UBAC2: variants seen among roughly 807,000 people sequenced by gnomAD.
UBAC2 encodes the protein UBA domain containing 2, also known as ubiquitin-associated domain-containing protein 2.
UBAC2 carries 26 observed loss-of-function variants against 44.0 expected under a neutral mutation model. The observed-to-expected ratio is 0.59, with a 90% CI of 0.43 to 0.82. The LOEUF is 0.82. UBAC2 is among the 40% of genes least tolerant of loss of function. UBAC2 has a pLI of 0.00. For synonymous variants in UBAC2, 155 were observed against 154.3 expected (o/e 1.00, Z -0.04); for missense variants, 329 against 419.4 (o/e 0.78, Z 1.88).
chr13:99,267,775 T>G (rs2043762815), intron 4 of UBAC2, among the ~76,000 whole-genome samples: 1 of 152,220 alleles, frequency 6.6e-6, no homozygotes, highest in Non-Finnish European at 1.5e-5. Context: ...CAAAATATAG[T>G]GTGTTTGCTC....
chr13:99,268,469 G>C (rs1308160949), intron 4 of UBAC2, among the ~76,000 whole-genome samples: 3 of 151,858 alleles, frequency 2.0e-5, no homozygotes. Flanking sequence ...TTAGCCAGGC[G>C]TGGTGGCATG....
intron 2 of UBAC2, among the ~76,000 whole-genome samples, chr13:99,243,612 C>T (rs2043346798): frequency 6.6e-6 from 1 of 152,020 alleles, no homozygotes; most frequent in African/African-American, 2.4e-5. Context: ...CTTATAAGCA[C>T]AAAAAAATTC....
intron 1 of UBAC2, 107 bp from the exon 2 acceptor site, chr13:99,238,320 T>C: frequency 2.1e-6 from 3 of 1,414,228 alleles, no homozygotes; most frequent in Non-Finnish European, 2.9e-6. Context: ...TTCTGGACTT[T>C]GTCTTCATTC....
At chr13:99,378,504 G>T (rs534292058) in intron 8 of UBAC2, among the ~76,000 whole-genome samples, 112 of 152,294 alleles carry the variant, frequency 7.4e-4, no homozygotes, top group African/African-American at 2.6e-3. Flanking sequence ...TCCAACCTGG[G>T]TGACTGAGCA....
chr13:99,209,224 A>C (rs2042911250), intron 1 of UBAC2, among the ~76,000 whole-genome samples: 1 of 152,130 alleles, frequency 6.6e-6, no homozygotes, highest in South Asian at 2.1e-4. Context: ...GCTTGGTATG[A>C]AGGTGTGGCT....
intron 8 of UBAC2, among the ~76,000 whole-genome samples, chr13:99,373,005 A>G (rs1018495544): frequency 4.6e-5 from 7 of 152,020 alleles, no homozygotes; most frequent in African/African-American, 1.7e-4. Context: ...CTGTAGTCCC[A>G]CCTACTTGGG....
intron 1 of UBAC2, among the ~76,000 whole-genome samples, chr13:99,203,821 G>A (rs897476456): frequency 6.6e-6 from 1 of 152,196 alleles, no homozygotes; most frequent in Non-Finnish European, 1.5e-5. Flanking sequence ...GTGTGAAGGA[G>A]CAAGCCATAT....
At chr13:99,215,863 T>C in intron 1 of UBAC2, 2 of 491,242 alleles carry the variant, frequency 4.1e-6, no homozygotes, top group Non-Finnish European at 7.3e-6. Context: ...AAACTGCCCT[T>C]TTCAGTTCTT....
chr13:99,296,769 C>T (rs192106013), intron 4 of UBAC2, among the ~76,000 whole-genome samples: 1 of 151,772 alleles, frequency 6.6e-6, no homozygotes, highest in African/African-American at 2.4e-5. Context: ...AAGAAGAAGA[C>T]GACGACCGCA....
At chr13:99,272,639 C>T (rs1032360263) in intron 4 of UBAC2, among the ~76,000 whole-genome samples, 1 of 152,204 alleles carries the variant, frequency 6.6e-6, no homozygotes, top group Non-Finnish European at 1.5e-5. Flanking sequence ...CACCCTCTTG[C>T]TGTGTCCTTA....
rs756827927 is a variant in UBAC2, at chr13:99,268,611, C to CAAAA, written c.389+24007_389+24010dup. ...TGGGCTACAGAGTGAGACTCTGTCT[C>CAAAA]AAAAAAAAAAAAAAAAAAAAAAAGA... is the stretch of plus-strand genomic sequence containing the variant. On this transcript the variant is annotated intron_variant, in intron 4 of 8. Coordinates refer to ENST00000403766, the MANE Select transcript of UBAC2 (RefSeq NM_001144072.2). Among the ~76,000 whole-genome samples, 310 of 75,590 alleles carry CAAAA rather than the reference C, an allele frequency of 4.1e-3. 9 individuals are homozygous for CAAAA. The highest frequency in any genetic ancestry group is 0.015 in the African/African-American group (242 of 15,840). 49.6% of individuals were successfully genotyped at this position (75,590 alleles called of 152,430 possible).
intron 1 of UBAC2, among the ~76,000 whole-genome samples, chr13:99,203,792 T>C (rs2042835198): frequency 6.6e-6 from 1 of 152,152 alleles, no homozygotes; most frequent in South Asian, 2.1e-4. Context: ...GAAGGTGACA[T>C]TGAGCTGAGG....
intron 6 of UBAC2, among the ~76,000 whole-genome samples, chr13:99,330,458 C>CAGAAAAAA (rs2044699846): frequency 2.2e-5 from 1 of 46,026 alleles, no homozygotes; most frequent in African/African-American, 7.4e-5. Flanking sequence ...GACGTCATCT[C>CAGAAAAAA]AAAAAAAAAA....
At chr13:99,378,680 A>G (rs1274082855) in intron 8 of UBAC2, among the ~76,000 whole-genome samples, 1 of 152,246 alleles carries the variant, frequency 6.6e-6, no homozygotes, top group Non-Finnish European at 1.5e-5. Context: ...GTTCGTCATC[A>G]TCACTGAACA....
At chr13:99,228,903 A>G (rs1226786308) in intron 1 of UBAC2, among the ~76,000 whole-genome samples, 1 of 152,194 alleles carries the variant, frequency 6.6e-6, no homozygotes, top group Non-Finnish European at 1.5e-5. Flanking sequence ...GGCTATTTTT[A>G]TATGCTTAGA....
chr13:99,217,102 A>C (rs2043005408), intron 1 of UBAC2, among the ~76,000 whole-genome samples: 1 of 152,180 alleles, frequency 6.6e-6, no homozygotes, highest in African/African-American at 2.4e-5. Context: ...AAGTGCTGGG[A>C]TCACAGGCGT....
rs1351885740 is a variant in UBAC2 at position 99,255,245 on chromosome 13, T to C, written c.389+10621T>C. 1.2e-6 allele frequency: 2 copies of C among 1,614,034 alleles called. No individual in the cohort carries two copies. The highest frequency in any genetic ancestry group is 1.7e-6 in the Non-Finnish European group (2 of 1,180,008). On this transcript the variant is annotated intron_variant, in intron 4 of 8. Coordinates refer to ENST00000403766, the MANE Select transcript of UBAC2 (RefSeq NM_001144072.2). ...CTGCCGTGAAGGAGATTATGAATAATGACCAAGTAGCACCCAATCATGATG... is the reference window on the plus strand; with the variant it reads ...CTGCCGTGAAGGAGATTATGAATAACGACCAAGTAGCACCCAATCATGATG...
intron 4 of UBAC2, among the ~76,000 whole-genome samples, chr13:99,261,084 A>G (rs761141371): frequency 5.9e-5 from 9 of 152,254 alleles, no homozygotes; most frequent in Non-Finnish European, 8.8e-5. Flanking sequence ...TGCCACAGGT[A>G]AAATAATATT....
intron 4 of UBAC2, chr13:99,255,988 G>C (rs983914195): frequency 3.1e-6 from 3 of 972,878 alleles, no homozygotes; most frequent in Non-Finnish European, 4.5e-6. Flanking sequence ...CAGCTTGACT[G>C]CCAGTGAATT....
Sources: gnomAD v4.1 joint callset for allele counts (sites outside exome capture counted in the v4.1 genomes callset) on GRCh38, gnomAD v4.1.1 for gene constraint, MANE v1.5 for transcripts, NCBI Gene and HGNC (gene_info 2026-07-23, HGNC 2026-07-21) for gene names.